ZNF326: variants seen among roughly 807,000 people sequenced by gnomAD.
ZNF326 encodes zinc finger protein 326, also known as DBIRD complex subunit ZNF326.
Under a neutral mutation model 63.1 loss-of-function variants are expected in ZNF326, and 30 were observed. That is an observed-to-expected ratio of 0.48 (90% confidence interval 0.36 to 0.64). The LOEUF is 0.64. ZNF326 is among the 30% of genes least tolerant of loss of function. The pLI is 0.00. For synonymous variants in ZNF326, 194 were observed against 228.2 expected (o/e 0.85, Z 1.35); for missense variants, 609 against 720.3 (o/e 0.85, Z 1.77).
rs1648279128 is a variant in ZNF326, at chr1:89,995,192, C to T, written c.-66C>T. On this transcript the variant is annotated 5_prime_UTR_variant, in exon 1 of 12. Coordinates refer to ENST00000340281, the MANE Select transcript of ZNF326 (RefSeq NM_182976.4). ...AGTGATCGTGTGGAATCGCGGGTCG[C>T]GGACGCTCGCCGCCGGCCATAGCTC... The T allele has an allele frequency of 1.3e-6, 2 of 1,516,768 alleles. No individual in the cohort carries two copies. The highest frequency in any genetic ancestry group is 8.8e-7 in the Non-Finnish European group (1 of 1,134,552). The allele number at this position is 1,516,768 out of a possible 1,614,324, so 94.0% of individuals were successfully genotyped here.
intron 7 of ZNF326, among the ~76,000 whole-genome samples, chr1:90,017,005 A>G (rs1171780801): frequency 6.6e-6 from 1 of 152,200 alleles, no homozygotes; most frequent in Non-Finnish European, 1.5e-5. Context: ...TTGGAACTTG[A>G]TACTTCTTGA....
chr1:90,000,759 G>A (rs1648637278), intron 2 of ZNF326, among the ~76,000 whole-genome samples: 1 of 152,212 alleles, frequency 6.6e-6, no homozygotes, highest in South Asian at 2.1e-4. Flanking sequence ...CAAGGTTAGA[G>A]TGGTGAGGTG....
At chr1:90,015,028 A>C (rs1404534984) in intron 7 of ZNF326, among the ~76,000 whole-genome samples, 1 of 152,152 alleles carries the variant, frequency 6.6e-6, no homozygotes, top group African/African-American at 2.4e-5. Flanking sequence ...TCATTTAGCT[A>C]TTTTCTCTGT....
At position 90,004,798 on chromosome 1, in the gene ZNF326, C is replaced by CTTTTTTT. The variant is rs34878438; in HGVS notation, c.62-190_62-184dup. Among the ~76,000 whole-genome samples, 103 of 68,074 alleles carry CTTTTTTT rather than the reference C, an allele frequency of 1.5e-3. 1 individual carries two copies. Among genetic ancestry groups the CTTTTTTT allele is most frequent in the East Asian group, 3.1e-3 (6 of 1,956 alleles). 44.7% of individuals were successfully genotyped at this position (68,074 alleles called of 152,430 possible). A position where few individuals can be genotyped will look rare whatever the true frequency, so the allele number is the denominator to read the frequency against. ...TATGTTTTTCTTTGAAATATCAGGG[C>CTTTTTTT]TTTTTTTTTTTTTTTTTTTTTAGCA... On this transcript the variant is annotated intron_variant, in intron 2 of 11. Coordinates refer to ENST00000340281, the MANE Select transcript of ZNF326 (RefSeq NM_182976.4).
At chr1:90,027,216 T>G (rs1396308637) in intron 11 of ZNF326, 138 bp from the exon 12 acceptor site, 1 of 789,034 alleles carries the variant, frequency 1.3e-6, no homozygotes, top group Non-Finnish European at 2.0e-6. Context: ...AACAAATACT[T>G]AATGAATTTG....
chr1:90,004,798 C>CTTT (rs34878438), intron 2 of ZNF326, among the ~76,000 whole-genome samples: 52,792 of 68,072 alleles, frequency 0.78, 21,685 homozygotes, highest in East Asian at 0.87. Flanking sequence ...AATATCAGGG[C>CTTT]TTTTTTTTTT....
rs1437796753 is a variant in ZNF326 at position 90,005,000 on chromosome 1, T to C, written c.62-3T>C. 6 of 1,613,798 alleles carry C rather than the reference T, an allele frequency of 3.7e-6. No homozygotes were observed. In the Admixed American group the frequency reaches 8.3e-5, roughly 22 times the overall value. On this transcript the variant is annotated splice_region_variant and splice_polypyrimidine_tract_variant and intron_variant, in intron 2 of 11. Coordinates refer to ENST00000340281, the MANE Select transcript of ZNF326 (RefSeq NM_182976.4). Reference sequence around the variant, plus strand: ...TGACAATTTCTTATTGACTCTCTTTTAGGAATGGATCGTGATTATGGCCCT... The same window carrying C: ...TGACAATTTCTTATTGACTCTCTTTCAGGAATGGATCGTGATTATGGCCCT...
chr1:90,027,559 AGGGAGTAGG>A lies in ZNF326; in HGVS notation c.1610_1618del (p.Gly537_Gly539del). 1 of 1,606,528 alleles carries A rather than the reference AGGGAGTAGG, an allele frequency of 6.2e-7. No homozygotes were observed. Among genetic ancestry groups the A allele is most frequent in the Non-Finnish European group, 8.5e-7 (1 of 1,175,926 alleles). On this transcript the variant is annotated inframe_deletion, in exon 12 of 12. Transcript: ENST00000340281. ...GGAATAGAGGGCGAGGGAAATATACAGGGAGTAGGGGAAGGAGGGGAAGTAGGGGTAGTG... is the reference window on the plus strand; with the variant it reads ...GGAATAGAGGGCGAGGGAAATATACAGGAAGGAGGGGAAGTAGGGGTAGTG...
At chr1:89,998,247 G>T in intron 2 of ZNF326, 93 bp downstream of exon 2, 3 of 1,188,566 alleles carry the variant, frequency 2.5e-6, no homozygotes, top group Middle Eastern at 3.9e-4. Flanking sequence ...CCTTGTTTTG[G>T]TTCTTGATAT....
At chr1:90,027,135 A>G (rs897911460) in intron 11 of ZNF326, among the ~76,000 whole-genome samples, 1 of 152,052 alleles carries the variant, frequency 6.6e-6, no homozygotes, top group Middle Eastern at 3.2e-3. Context: ...ACCTTTAAGC[A>G]TTTCAGTTAT....
chr1:90,020,705 A>T (rs1176777330), intron 9 of ZNF326, 87 bp from the exon 10 acceptor site: 19 of 1,342,320 alleles, frequency 1.4e-5, no homozygotes, highest in Admixed American at 4.2e-5. Context: ...AAGGGGTATA[A>T]ATAATCATGG....
At position 90,005,139 on chromosome 1, in the gene ZNF326, A is replaced by T; in HGVS notation, c.104A>T (p.Asp35Val). Reference protein sequence around the residue: ...DYGPGSYGGMDRDYGHGSYGG... With the variant: ...DYGPGSYGGMVRDYGHGSYGG... ...TCTTTTTAAACTCTTATAGGGATGG[A>T]TCGTGACTATGGCCATGGATCCTAT... is the stretch of plus-strand genomic sequence containing the variant. Residue 35 changes from aspartate (D) to valine (V), a missense_variant, in exon 4 of 12, where the codon GAT (aspartate) becomes GTT (valine). Transcript: ENST00000340281. 1 of 1,614,034 alleles carries T rather than the reference A, an allele frequency of 6.2e-7. No homozygotes were observed. The highest frequency in any genetic ancestry group is 1.7e-5 in the Admixed American group (1 of 60,006).
Position 90,013,051 on chromosome 1 carries a change from C to G in ZNF326, c.815-75C>G. 3 of 1,305,816 alleles carry G rather than the reference C, an allele frequency of 2.3e-6. No homozygotes were observed. The South Asian group carries it at 4.4e-5, about 19-fold the overall frequency. The allele number at this position is 1,305,816 out of a possible 1,614,324, so 80.9% of individuals were successfully genotyped here. ...ACTAAGTATACCTCATAAGTATGTACTTTACGAACTGATGATTGGAAAGAG... is the reference window on the plus strand; with the variant it reads ...ACTAAGTATACCTCATAAGTATGTAGTTTACGAACTGATGATTGGAAAGAG... On this transcript the variant is annotated intron_variant, in intron 6 of 11. Transcript: ENST00000340281.
intron 4 of ZNF326, 156 bp downstream of exon 4, chr1:90,005,400 A>G: frequency 1.5e-6 from 2 of 1,379,312 alleles, no homozygotes; most frequent in South Asian, 1.9e-5. Flanking sequence ...TAATGGGTAT[A>G]AAATTTAAAT....
Position 90,010,269 on chromosome 1 carries a change from G to A in ZNF326, c.797G>A (p.Ser266Asn), listed in dbSNP as rs758412419. The change falls in exon 6 of 12, where the codon AGC becomes AAC. Residue 266 changes from serine to asparagine, a missense_variant. By Grantham distance (46) the Ser-to-Asn change is conservative (BLOSUM62 1). This residue lies in a region of ZNF326 where 399 missense variants were observed against 444.3 expected (regional missense o/e 0.90). Coordinates refer to ENST00000340281, the MANE Select transcript of ZNF326 (RefSeq NM_182976.4). ...PKLAKPMEKI[S>N]LSKSPTKTDP... Reference sequence around the variant, plus strand: ...CTAGCAAAACCTATGGAGAAGATAAGCCTCAGCAAATCACCCAGTAAGTAA... The same window carrying A: ...CTAGCAAAACCTATGGAGAAGATAAACCTCAGCAAATCACCCAGTAAGTAA... 2.5e-5 allele frequency: 41 copies of A among 1,613,394 alleles called. No individual in the cohort carries two copies. The highest frequency in any genetic ancestry group is 2.0e-4 in the East Asian group (9 of 44,836).
In ZNF326 at chr1:90,013,043, A is replaced by G. The variant is rs886488898; in HGVS notation, c.815-83A>G. 5.9e-6 allele frequency: 7 copies of G among 1,188,456 alleles called. No individual in the cohort carries two copies. The African/African-American group carries it at 1.1e-4, about 18-fold the overall frequency. 73.6% of individuals were successfully genotyped at this position (1,188,456 alleles called of 1,614,324 possible). A position where few individuals can be genotyped will look rare whatever the true frequency, so the allele number is the denominator to read the frequency against. ...TTACAATCACTAAGTATACCTCATA[A>G]GTATGTACTTTACGAACTGATGATT... On this transcript the variant is annotated intron_variant, in intron 6 of 11. Coordinates refer to ENST00000340281, the MANE Select transcript of ZNF326 (RefSeq NM_182976.4).
At chr1:90,003,233 C>T (rs1266985650) in intron 2 of ZNF326, among the ~76,000 whole-genome samples, 4 of 151,878 alleles carry the variant, frequency 2.6e-5, no homozygotes, top group South Asian at 2.1e-4. Context: ...TGGGTTCATG[C>T]CATTCTCCTG....
At chr1:90,004,814 T>TTTG (rs1553135570) in intron 2 of ZNF326, among the ~76,000 whole-genome samples, 189 bp from the exon 3 acceptor site, 1 of 150,396 alleles carries the variant, frequency 6.6e-6, no homozygotes, top group Non-Finnish European at 1.5e-5. Flanking sequence ...TTTTTTTTTT[T>TTTG]TTTTTAGCAA....
intron 9 of ZNF326, among the ~76,000 whole-genome samples, 178 bp from the exon 10 acceptor site, chr1:90,020,614 G>T (rs2816882): frequency 0.099 from 15,052 of 151,962 alleles, 2,194 homozygotes; most frequent in African/African-American, 0.32. Context: ...TAGCAATATA[G>T]TAAATCTACA....
Sources: allele counts gnomAD v4.1 joint callset (sites outside exome capture counted in the v4.1 genomes callset), GRCh38; gene constraint gnomAD v4.1.1; regional missense constraint gnomAD v4.1.1; transcripts MANE v1.5; gene names NCBI Gene and HGNC (gene_info 2026-07-23, HGNC 2026-07-21).